Variants in PRICKLE2 observed in about 807,000 individuals in gnomAD.
PRICKLE2 encodes the protein prickle-like protein 2.
Under a neutral mutation model 81.4 loss-of-function variants are expected in PRICKLE2, and 21 were observed. The observed-to-expected ratio is 0.26, with a 90% CI of 0.18 to 0.37. PRICKLE2 has a LOEUF of 0.37. Ranked by LOEUF, PRICKLE2 falls within the 10% of genes least tolerant of loss-of-function variation. The pLI is 1.00. For synonymous variants in PRICKLE2, 456 were observed against 421.5 expected, an observed-to-expected ratio of 1.08 and a Z score of -1.00; for missense variants, 940 against 1,109.0, an observed-to-expected ratio of 0.85 and a Z score of 2.16.
chr3:64,240,891 A>G (rs2079254979), intron 2 of PRICKLE2, among the ~76,000 whole-genome samples: 4 of 152,150 alleles, frequency 2.6e-5, no homozygotes. Flanking sequence ...TTTATGGCCA[A>G]GAAGAGGAAG....
Position 64,213,836 on chromosome 3 carries a change from G to C in PRICKLE2, c.-41+11074C>G, listed in dbSNP as rs577818523. 3.4e-4 allele frequency among the ~76,000 whole-genome samples: 51 copies of C among 152,188 alleles called. No homozygotes were observed. In the South Asian group the frequency reaches 3.9e-3, roughly 12 times the overall value. Reference sequence around the variant, plus strand: ...TCATGTTACAGATAGGACAACCAAGGCTCAACGAGTTTGTGGAACTTACCC... The same window carrying C: ...TCATGTTACAGATAGGACAACCAAGCCTCAACGAGTTTGTGGAACTTACCC... On this transcript the variant is annotated intron_variant, in intron 1 of 7. Coordinates refer to ENST00000638394, the MANE Select transcript of PRICKLE2 (RefSeq NM_198859.4).
chr3:64,107,805 T>C (rs1480059534), intron 7 of PRICKLE2, among the ~76,000 whole-genome samples: 1 of 152,186 alleles, frequency 6.6e-6, no homozygotes, highest in African/African-American at 2.4e-5. Context: ...CTCCAGAGCC[T>C]TTCAAAAAAT....
chr3:64,248,284 G>A (rs914277602), intron 2 of PRICKLE2, among the ~76,000 whole-genome samples: 4 of 152,150 alleles, frequency 2.6e-5, no homozygotes, highest in African/African-American at 9.7e-5. Context: ...TTCAAGGAAA[G>A]CATTTAATAA....
chr3:64,106,369 C>A (rs1443453851), intron 7 of PRICKLE2, among the ~76,000 whole-genome samples: 1 of 152,194 alleles, frequency 6.6e-6, no homozygotes. Flanking sequence ...ACAACCACAC[C>A]TATTCATTTG....
rs1267835866 is a variant in PRICKLE2 at position 64,241,772 on chromosome 3, G to C, written c.129-42805C>G. The stretch of plus-strand genomic sequence containing the variant: ...ACAGGAATGCTGTGAGAGCACGTCA[G>C]CAGTACTGTCTGGGAAGGCAACACA... On this transcript the variant is annotated intron_variant, in intron 2 of 8. Coordinates refer to the PRICKLE2 transcript ENST00000295902. 3.9e-5 allele frequency among the ~76,000 whole-genome samples: 6 copies of C among 152,198 alleles called. No homozygotes were observed. In the East Asian group the frequency reaches 1.2e-3, roughly 29 times the overall value.
chr3:64,208,923 T>C (rs1326694698), intron 1 of PRICKLE2, among the ~76,000 whole-genome samples: 3 of 152,170 alleles, frequency 2.0e-5, no homozygotes, highest in African/African-American at 7.2e-5. Flanking sequence ...TGTCCATCCA[T>C]CCACCCATCT....
chr3:64,128,951 G>C (rs772277371), intron 7 of PRICKLE2, among the ~76,000 whole-genome samples: 2 of 151,518 alleles, frequency 1.3e-5, no homozygotes, highest in Non-Finnish European at 2.9e-5. Flanking sequence ...GTTGATATTT[G>C]GGGCAGGATA....
intron 2 of PRICKLE2, among the ~76,000 whole-genome samples, chr3:64,260,200 C>T (rs2079596779): frequency 6.6e-6 from 1 of 152,118 alleles, no homozygotes; most frequent in Admixed American, 6.5e-5. Context: ...TCTTGTGAGG[C>T]TCCCCTGGCA....
At chr3:64,100,026 G>A in intron 7 of PRICKLE2, 101 bp from the exon 8 acceptor site, 1 of 1,341,314 alleles carries the variant, frequency 7.5e-7, no homozygotes, top group Non-Finnish European at 1.1e-6. Context: ...ATATACCGTT[G>A]TGAAGTTGTG....
intron 7 of PRICKLE2, 88 bp downstream of exon 7, chr3:64,146,742 C>CAA (rs74861606): frequency 3.8e-4 from 452 of 1,198,844 alleles, no homozygotes; most frequent in Non-Finnish European, 4.3e-4. Context: ...GACTCCATTT[C>CAA]AAAAAAAAAA....
rs1169455626 is a variant in PRICKLE2 at position 64,224,768 on chromosome 3, G to C, written c.-41+142C>G. The C allele has an allele frequency of 2.5e-5, 7 of 278,152 alleles. 1 individual carries two copies. In the Admixed American group the frequency reaches 3.9e-4, roughly 15 times the overall value. The allele number at this position is 278,152 out of a possible 1,614,324, so 17.2% of individuals were successfully genotyped here. A position where few individuals can be genotyped will look rare whatever the true frequency, so the allele number is the denominator to read the frequency against. ...ATAGAAAAGGCAAAAGGGGTCGCAG[G>C]GCCACCAAAAATGCTACCTGGCCAA... On this transcript the variant is annotated intron_variant, in intron 1 of 7. Transcript: ENST00000638394.
intron 1 of PRICKLE2, among the ~76,000 whole-genome samples, chr3:64,213,077 C>CTTTTTTTT (rs374873926): frequency 8.0e-6 from 1 of 125,526 alleles, no homozygotes; most frequent in African/African-American, 3.5e-5. Flanking sequence ...GTTTTTTGTT[C>CTTTTTTTT]TTTTTTTTTT....
At chr3:64,164,163 G>T (rs1020119813) in intron 2 of PRICKLE2, among the ~76,000 whole-genome samples, 1 of 152,018 alleles carries the variant, frequency 6.6e-6, no homozygotes, top group African/African-American at 2.4e-5. Flanking sequence ...AACCACCTGA[G>T]GGCGGCAGTT....
At chr3:64,207,030 G>A (rs922860927) in intron 1 of PRICKLE2, among the ~76,000 whole-genome samples, 1 of 152,128 alleles carries the variant, frequency 6.6e-6, no homozygotes, top group African/African-American at 2.4e-5. Context: ...CTCCTGAGAA[G>A]CTGGGACTAA....
chr3:64,258,845 A>AAAAAAAAGAAAGAAAGAAAGAAAGAAAG (rs2079570108), intron 2 of PRICKLE2, among the ~76,000 whole-genome samples: 1 of 34,000 alleles, frequency 2.9e-5, no homozygotes, highest in Non-Finnish European at 5.2e-5. Flanking sequence ...AAAAAAAAAA[A>AAAAAAAAGAAAGAAAGAAAGAAAGAAAG]AAAGAAAGAA....
chr3:64,100,303 T>C (rs2076638293), intron 7 of PRICKLE2: 1 of 210,058 alleles, frequency 4.8e-6, no homozygotes, highest in African/African-American at 2.3e-5. Flanking sequence ...ATAAGCTCTG[T>C]AGGACAGATA....
chr3:64,183,776 C>A (rs906513948), intron 2 of PRICKLE2, among the ~76,000 whole-genome samples: 28 of 152,162 alleles, frequency 1.8e-4, no homozygotes, highest in African/African-American at 6.8e-4. Context: ...CTAGAAGATG[C>A]AAAGAAACTT....
intron 2 of PRICKLE2, among the ~76,000 whole-genome samples, chr3:64,172,633 T>C (rs1468833531): frequency 2.0e-5 from 3 of 152,240 alleles, no homozygotes; most frequent in Non-Finnish European, 2.9e-5. Context: ...GAAGGCTCTA[T>C]ATTTCTTGGC....
intron 2 of PRICKLE2, among the ~76,000 whole-genome samples, chr3:64,172,142 G>C (rs2077942936): frequency 6.6e-6 from 1 of 152,134 alleles, no homozygotes; most frequent in South Asian, 2.1e-4. Flanking sequence ...AGCATTATCT[G>C]ACATTTATTT....
Sources: allele counts gnomAD v4.1 joint callset (sites outside exome capture counted in the v4.1 genomes callset), GRCh38; gene constraint gnomAD v4.1.1; transcripts MANE v1.5; gene names NCBI Gene and HGNC (gene_info 2026-07-23, HGNC 2026-07-21).